PIAS4: variants seen among roughly 807,000 people sequenced by gnomAD.
PIAS4 encodes the protein protein inhibitor of activated STAT 4, also known as E3 SUMO-protein ligase PIAS4.
PIAS4 carries 7 observed loss-of-function variants against 58.0 expected under a neutral mutation model. The observed-to-expected ratio is 0.12, with a 90% CI of 0.07 to 0.23. The LOEUF (loss-of-function observed/expected upper bound fraction) is 0.23. Among genes scored for constraint, PIAS4 ranks in the 10% least tolerant of loss-of-function variants. The pLI is 1.00. For missense variants in PIAS4, 550 were observed against 709.5 expected (o/e 0.78, Z 2.55); for synonymous variants, 364 against 312.4 (o/e 1.17, Z -1.74).
chr19:4,033,045 C>T, intron 7 of PIAS4, 55 bp from the exon 8 acceptor site: 6 of 1,413,908 alleles, frequency 4.2e-6, no homozygotes, highest in Non-Finnish European at 6.0e-6. Context: ...GAATCACAGC[C>T]CCGCGCCCTG....
intron 2 of PIAS4, among the ~76,000 whole-genome samples, chr19:4,018,280 G>A (rs2040072238): frequency 6.6e-6 from 1 of 152,188 alleles, no homozygotes; most frequent in Non-Finnish European, 1.5e-5. Flanking sequence ...TTCTCCCTTT[G>A]CATGTGTGAT....
rs1568223023 is a variant in PIAS4, at chr19:4,037,061, G to C, written c.1143-313G>C. ...CACCCGGAGGTGCCCAGAGGGGCAG[G>C]GTGGGGAGGACCCCTGCAGCTGCCA... On this transcript the variant is annotated intron_variant, in intron 9 of 10. Transcript: ENST00000262971. The surrounding 1 kb of genome is among the most constrained non-coding windows in gnomAD (Gnocchi z 5.8). Among the ~76,000 whole-genome samples, 1 of 151,702 alleles carries C rather than the reference G, an allele frequency of 6.6e-6. No individual in the cohort carries two copies. Among genetic ancestry groups the C allele is most frequent in the East Asian group, 2.0e-4 (1 of 5,038 alleles).
In PIAS4 at chr19:4,021,742, C is replaced by CTTTTT. The variant is rs776416490; in HGVS notation, c.455-2277_455-2273dup. Among the ~76,000 whole-genome samples the CTTTTT allele has an allele frequency of 1.9e-3, 194 of 103,990 alleles. 3 individuals carry two copies. The highest frequency in any genetic ancestry group is 3.6e-3 in the African/African-American group (99 of 27,408). The allele number at this position is 103,990 out of a possible 152,430, so 68.2% of individuals were successfully genotyped here. A position where few individuals can be genotyped will look rare whatever the true frequency, so the allele number is the denominator to read the frequency against. On this transcript the variant is annotated intron_variant, in intron 2 of 10. Transcript: ENST00000262971. ...CGATATGGACCTGCATTTTCTTTTT[C>CTTTTT]TTTTTTTTTTTTTTTTTTTTTGAGA...
intron 1 of PIAS4, among the ~76,000 whole-genome samples, chr19:4,012,395 G>T (rs2040004942): frequency 6.6e-6 from 1 of 152,216 alleles, no homozygotes; most frequent in South Asian, 2.1e-4. Flanking sequence ...CACATGACCG[G>T]CTTGGTTCCC....
chr19:4,016,216 G>C (rs2040052710), intron 2 of PIAS4, among the ~76,000 whole-genome samples: 1 of 152,226 alleles, frequency 6.6e-6, no homozygotes, highest in Non-Finnish European at 1.5e-5. Flanking sequence ...CAGGGTACTT[G>C]GGAAGAGAGG....
chr19:4,012,837 G>A (rs1271568569), intron 1 of PIAS4, 86 bp from the exon 2 acceptor site: 3 of 1,417,952 alleles, frequency 2.1e-6, no homozygotes, highest in Non-Finnish European at 2.9e-6. Flanking sequence ...TGTCTTTCAC[G>A]GCCCCCACAT....
At chr19:4,017,259 A>G (rs1599218666) in intron 2 of PIAS4, among the ~76,000 whole-genome samples, 1 of 151,730 alleles carries the variant, frequency 6.6e-6, no homozygotes, top group African/African-American at 2.4e-5. Flanking sequence ...GCCAGCAGCC[A>G]CCCCCATGTC....
intron 3 of PIAS4, 24 bp downstream of exon 3, chr19:4,024,144 A>G: frequency 7.0e-6 from 11 of 1,571,962 alleles, no homozygotes; most frequent in Non-Finnish European, 9.6e-6. Flanking sequence ...CCCCCAGCCC[A>G]GCACCCCACC....
chr19:4,009,313 C>T (rs1224999348), intron 1 of PIAS4, among the ~76,000 whole-genome samples: 1 of 152,154 alleles, frequency 6.6e-6, no homozygotes, highest in African/African-American at 2.4e-5. Context: ...CACTTCTGCT[C>T]CTCTCTAGAG....
chr19:4,031,315 G>T (rs1009998066), intron 7 of PIAS4, among the ~76,000 whole-genome samples: 3 of 152,194 alleles, frequency 2.0e-5, no homozygotes, highest in African/African-American at 2.4e-5. Context: ...AGGAAAGATA[G>T]CCGGCAGCAC....
At chr19:4,009,666 C>T (rs1382325788) in intron 1 of PIAS4, among the ~76,000 whole-genome samples, 1 of 152,088 alleles carries the variant, frequency 6.6e-6, no homozygotes, top group African/African-American at 2.4e-5. Flanking sequence ...CCTTCTTTCT[C>T]CTTGAGTCTG....
intron 2 of PIAS4, among the ~76,000 whole-genome samples, chr19:4,021,368 A>C (rs2040107204): frequency 6.6e-6 from 1 of 151,920 alleles, no homozygotes. Flanking sequence ...GCTGGTCTTG[A>C]ACTCCTGACC....
intron 2 of PIAS4, among the ~76,000 whole-genome samples, 157 bp from the exon 3 acceptor site, chr19:4,023,879 C>T (rs1449150877): frequency 6.6e-6 from 1 of 152,230 alleles, no homozygotes; most frequent in Admixed American, 6.5e-5. Flanking sequence ...CCCTCATCCT[C>T]CTTCCTGGGC....
intron 3 of PIAS4, 78 bp from the exon 4 acceptor site, chr19:4,028,068 C>T (rs953841933): frequency 5.0e-6 from 7 of 1,397,940 alleles, no homozygotes; most frequent in Non-Finnish European, 7.1e-6. Context: ...GCGGTCTCCA[C>T]CTTGTCGGGT....
rs1247096384 is a variant in PIAS4 at position 4,025,540 on chromosome 19, G to A, written c.539+1420G>A. Reference sequence around the variant, plus strand: ...CGTGCCCAGCCGCTTCAGACCCACCGCCCCCACCTGCTGTGGGGCCAGGTT... The same window carrying A: ...CGTGCCCAGCCGCTTCAGACCCACCACCCCCACCTGCTGTGGGGCCAGGTT... On this transcript the variant is annotated intron_variant, in intron 3 of 10. Transcript: ENST00000262971. Among the ~76,000 whole-genome samples the A allele has an allele frequency of 6.6e-5, 10 of 152,238 alleles. No homozygotes were observed. The South Asian group carries it at 1.0e-3, about 16-fold the overall frequency.
At chr19:4,027,476 A>G (rs533459895) in intron 3 of PIAS4, among the ~76,000 whole-genome samples, 1 of 151,526 alleles carries the variant, frequency 6.6e-6, no homozygotes, top group East Asian at 1.9e-4. Context: ...TGCTGTGAAC[A>G]TCCACGGATG....
Position 4,013,135 on chromosome 19 carries a change from C to T in PIAS4, c.240C>T (p.Pro80=). 1.2e-6 allele frequency: 2 copies of T among 1,613,426 alleles called. No individual in the cohort carries two copies. The highest frequency in any genetic ancestry group is 1.7e-6 in the Non-Finnish European group (2 of 1,180,016). The change falls in exon 2 of 11, where the codon CCC becomes CCT. Residue 80 remains proline (P), a synonymous_variant. Transcript: ENST00000262971. This position sits in a 1 kb window ranked among gnomAD's most constrained non-coding sequence, Gnocchi z 5.1. ...AGCCTGCCCCACAGCCGCACCGGCC[C>T]CTGGACCCCCTGACCATGCACTCCA... The part of the protein sequence containing the change: ...NSEPAPQPHR[P]LDPLTMHSTY...
At chr19:4,014,727 T>C (rs894454658) in intron 2 of PIAS4, among the ~76,000 whole-genome samples, 2 of 152,184 alleles carry the variant, frequency 1.3e-5, no homozygotes, top group Non-Finnish European at 2.9e-5. Flanking sequence ...GCCTGGCCCC[T>C]GCTGTGGCCT....
At chr19:4,035,577 G>A (rs958039393) in intron 9 of PIAS4, among the ~76,000 whole-genome samples, 1 of 152,102 alleles carries the variant, frequency 6.6e-6, no homozygotes, top group Non-Finnish European at 1.5e-5. Flanking sequence ...GCATGGGCGT[G>A]GGGAGCCCGC....
Sources: gnomAD v4.1 joint callset for allele counts (sites outside exome capture counted in the v4.1 genomes callset) on GRCh38, gnomAD v4.1.1 for gene constraint, Gnocchi (gnomAD v3.1) non-coding constraint, MANE v1.5 for transcripts, NCBI Gene and HGNC (gene_info 2026-07-23, HGNC 2026-07-21) for gene names.